RPS6KA2: variants seen among roughly 807,000 people sequenced by gnomAD.
The protein encoded by RPS6KA2 is ribosomal protein S6 kinase A2, also known as ribosomal protein S6 kinase alpha-2.
Under a neutral mutation model 91.8 loss-of-function variants are expected in RPS6KA2, and 42 were observed. The observed-to-expected ratio is 0.46, with a 90% CI of 0.36 to 0.59. The LOEUF (loss-of-function observed/expected upper bound fraction) is 0.59, where lower values mean the gene tolerates loss of function less well. Ranked by LOEUF, RPS6KA2 falls within the 20% of genes least tolerant of loss-of-function variation. RPS6KA2 has a pLI of 0.00. For missense variants in RPS6KA2, 798 were observed against 978.5 expected, an observed-to-expected ratio of 0.82 and a Z score of 2.46; for synonymous variants, 414 against 393.6, an observed-to-expected ratio of 1.05 and a Z score of -0.61.
intron 3 of RPS6KA2, among the ~76,000 whole-genome samples, chr6:166,523,478 T>C (rs1782926100): frequency 6.6e-6 from 1 of 152,204 alleles, no homozygotes; most frequent in South Asian, 2.1e-4. Flanking sequence ...CATAGGATTC[T>C]GACCTTCACC....
chr6:166,627,976 G>C (rs114166103), upstream of RPS6KA2: 264 of 152,232 alleles, frequency 1.7e-3, no homozygotes, highest in African/African-American at 6.2e-3. Flanking sequence ...AGCGGACAAA[G>C]GCGCCCGAGG....
intron 1 of RPS6KA2, among the ~76,000 whole-genome samples, chr6:166,580,930 C>T (rs1041485479): frequency 6.6e-6 from 1 of 151,918 alleles, no homozygotes; most frequent in Non-Finnish European, 1.5e-5. Context: ...GAGACGAAGT[C>T]TCATTCTGTT....
intron 1 of RPS6KA2, among the ~76,000 whole-genome samples, chr6:166,583,092 T>C (rs1785069173): frequency 6.6e-6 from 1 of 152,186 alleles, no homozygotes; most frequent in South Asian, 2.1e-4. Context: ...CAATATCAAT[T>C]CTAATAAAGA....
At chr6:166,694,310 C>T (rs1362129773) in intron 2 of RPS6KA2, among the ~76,000 whole-genome samples, 5 of 152,358 alleles carry the variant, frequency 3.3e-5, no homozygotes, top group Middle Eastern at 3.4e-3. Flanking sequence ...GCCTGGCTGG[C>T]ACTTCTCCTC....
At chr6:166,558,173 T>C (rs564783705) in intron 1 of RPS6KA2, among the ~76,000 whole-genome samples, 1 of 149,558 alleles carries the variant, frequency 6.7e-6, no homozygotes, top group East Asian at 2.0e-4. Context: ...AGAGAGAGAA[T>C]GAATCAGCCC....
At chr6:166,810,106 C>A (rs1441402938) in intron 2 of RPS6KA2, among the ~76,000 whole-genome samples, 1 of 152,138 alleles carries the variant, frequency 6.6e-6, no homozygotes, top group East Asian at 1.9e-4. Context: ...AGCGAGTGCA[C>A]GCAGGGGAGA....
intron 2 of RPS6KA2, among the ~76,000 whole-genome samples, chr6:166,804,208 A>C (rs1433009374): frequency 6.6e-6 from 1 of 152,162 alleles, no homozygotes; most frequent in Non-Finnish European, 1.5e-5. Context: ...CAGAGTTAAC[A>C]TTAAAGCTTT....
At chr6:166,464,572 C>A (rs1026005831) in intron 11 of RPS6KA2, among the ~76,000 whole-genome samples, 1 of 152,170 alleles carries the variant, frequency 6.6e-6, no homozygotes, top group African/African-American at 2.4e-5. Context: ...TCCCTGGGTC[C>A]CCCTGCAAGG....
intron 3 of RPS6KA2, among the ~76,000 whole-genome samples, chr6:166,510,875 TC>T (rs1161472392): frequency 6.6e-6 from 1 of 152,056 alleles, no homozygotes; most frequent in Non-Finnish European, 1.5e-5. Context: ...AAGACAATGG[TC>T]CCATACCTAT....
At chr6:166,773,036 T>C (rs879613901) in intron 2 of RPS6KA2, among the ~76,000 whole-genome samples, 1 of 152,170 alleles carries the variant, frequency 6.6e-6, no homozygotes, top group Non-Finnish European at 1.5e-5. Flanking sequence ...CCATCCTCTC[T>C]ACACCATGGT....
Position 166,817,699 on chromosome 6 carries a change from G to A in RPS6KA2, c.123+40501C>T, listed in dbSNP as rs1193811649. On this transcript the variant is annotated intron_variant, in intron 2 of 21. Coordinates refer to the RPS6KA2 transcript ENST00000503859. ...TATGCAATTCAATACCACCTTTTTG[G>A]CCAAACCATCTTTTTTCTTTTTTTC... 1.3e-5 allele frequency among the ~76,000 whole-genome samples: 2 copies of A among 149,514 alleles called. 1 individual carries two copies. Among genetic ancestry groups the A allele is most frequent in the Non-Finnish European group, 3.0e-5 (2 of 67,532 alleles).
At chr6:166,840,756 G>A (rs1397933424) in intron 2 of RPS6KA2, among the ~76,000 whole-genome samples, 1 of 152,154 alleles carries the variant, frequency 6.6e-6, no homozygotes, top group Non-Finnish European at 1.5e-5. Context: ...GAGGTCGGGA[G>A]TTCGAGACCA....
intron 2 of RPS6KA2, chr6:166,701,781 G>T: frequency 9.8e-7 from 1 of 1,016,640 alleles, no homozygotes; most frequent in Non-Finnish European, 1.5e-6. Context: ...TTTTCCTAAC[G>T]CTCCCTGATT....
chr6:166,581,046 C>T (rs532866023), intron 1 of RPS6KA2, among the ~76,000 whole-genome samples: 4 of 152,250 alleles, frequency 2.6e-5, no homozygotes, highest in Admixed American at 6.5e-5. Context: ...GGACTACAGA[C>T]ACACCACCAC....
chr6:166,544,827 A>G (rs1226722375), intron 1 of RPS6KA2: 1 of 152,206 alleles, frequency 6.6e-6, no homozygotes, highest in East Asian at 1.9e-4. Flanking sequence ...CATTTGTCCA[A>G]TCAATTCCTT....
chr6:166,618,298 G>T lies in RPS6KA2; in HGVS notation c.99+8623C>A, dbSNP rs556717986. Among the ~76,000 whole-genome samples, 204 of 152,298 alleles carry T rather than the reference G, an allele frequency of 1.3e-3. 1 individual carries two copies. Among genetic ancestry groups the T allele is most frequent in the African/African-American group, 4.8e-3 (198 of 41,566 alleles). ...CTCCACTATACCCACAGTCACATACGGACAGTAACTTCTCTTCCCGAATCC... is the reference window on the plus strand; with the variant it reads ...CTCCACTATACCCACAGTCACATACTGACAGTAACTTCTCTTCCCGAATCC... On this transcript the variant is annotated intron_variant, in intron 1 of 20. Coordinates refer to ENST00000265678, the MANE Select transcript of RPS6KA2 (RefSeq NM_021135.6).
At chr6:166,804,512 T>C (rs979481135) in intron 2 of RPS6KA2, among the ~76,000 whole-genome samples, 1 of 151,464 alleles carries the variant, frequency 6.6e-6, no homozygotes, top group African/African-American at 2.4e-5. Context: ...ATTGACAAAA[T>C]TTTTAAAAAG....
At chr6:166,474,600 G>A (rs1169918397) in intron 10 of RPS6KA2, among the ~76,000 whole-genome samples, 1 of 143,752 alleles carries the variant, frequency 7.0e-6, no homozygotes, top group East Asian at 2.3e-4. Flanking sequence ...TATACTCACT[G>A]CAAACTCCTG....
chr6:166,672,861 G>C (rs1330899214), intron 2 of RPS6KA2, among the ~76,000 whole-genome samples: 2 of 152,206 alleles, frequency 1.3e-5, no homozygotes, highest in African/African-American at 2.4e-5. Context: ...CCCCTTGGCT[G>C]AAAGAGAGGC....
Sources: allele counts gnomAD v4.1 joint callset (sites outside exome capture counted in the v4.1 genomes callset), GRCh38; gene constraint gnomAD v4.1.1; transcripts MANE v1.5; gene names NCBI Gene and HGNC (gene_info 2026-07-23, HGNC 2026-07-21).